CCT8: variants seen among roughly 807,000 people sequenced by gnomAD.
CCT8 encodes T-complex protein 1 subunit theta.
In CCT8, 10 loss-of-function variants were observed where a neutral mutation model predicts 65.7. That is an observed-to-expected ratio of 0.15 (90% CI 0.09 to 0.26). The LOEUF is 0.26. CCT8 is among the 10% of genes least tolerant of loss of function. The probability of loss-of-function intolerance (pLI) is 1.00; values close to 1 mark genes in which losing one functional copy is unlikely to be tolerated. For synonymous variants in CCT8, 199 were observed against 221.8 expected (o/e 0.90, Z 0.92); for missense variants, 568 against 669.1 (o/e 0.85, Z 1.67).
In CCT8 at chr21:29,067,039, T is replaced by C. The variant is rs1460042390; in HGVS notation, c.414A>G (p.Lys138=). The C allele has an allele frequency of 6.2e-7, 1 of 1,612,426 alleles. No individual in the cohort carries two copies. Among genetic ancestry groups the C allele is most frequent in the South Asian group, 1.1e-5 (1 of 90,924 alleles). The part of the protein sequence containing the change: ...VIEGYEIACR[K]AHEILPNLVC... ...CCAAATTAGGAAGAATCTCATGAGC[T>C]TTTCTGCAGGCTATTTCATAACCTT... The change falls in exon 5 of 15, where the codon AAA becomes AAG. Residue 138 remains lysine (K), a synonymous_variant. Coordinates refer to ENST00000286788, the MANE Select transcript of CCT8 (RefSeq NM_006585.4).
chr21:29,067,979 C>T (rs183413408), intron 3 of CCT8, among the ~76,000 whole-genome samples: 125 of 152,248 alleles, frequency 8.2e-4, no homozygotes, highest in Non-Finnish European at 1.4e-3. Context: ...ATATGTTTCA[C>T]CATATCATAT....
intron 8 of CCT8, 105 bp from the exon 9 acceptor site, chr21:29,062,661 C>T: frequency 1.2e-6 from 1 of 836,476 alleles, no homozygotes; most frequent in South Asian, 1.6e-5. Context: ...TGTCACATTC[C>T]TTTGACAATG....
intron 13 of CCT8, 30 bp downstream of exon 13, chr21:29,061,219 TAAAG>T: frequency 7.1e-6 from 11 of 1,545,486 alleles, no homozygotes; most frequent in Non-Finnish European, 8.9e-6. Context: ...ATTCCCCAAA[TAAAG>T]CAATTTAAGT....
chr21:29,073,192 T>G (rs1169969501), intron 1 of CCT8: 9 of 941,830 alleles, frequency 9.6e-6, no homozygotes, highest in African/African-American at 3.4e-5. Flanking sequence ...GTTATTCAAT[T>G]TCACCCTCAC....
At chr21:29,072,077 C>T in intron 1 of CCT8, 1 of 644,142 alleles carries the variant, frequency 1.6e-6, no homozygotes, top group Admixed American at 2.5e-5. Flanking sequence ...CTGAGCCTGG[C>T]ATTTCCCCCT....
At chr21:29,072,993 T>C (rs969848658) in intron 1 of CCT8, among the ~76,000 whole-genome samples, 1 of 152,232 alleles carries the variant, frequency 6.6e-6, no homozygotes, top group Non-Finnish European at 1.5e-5. Context: ...GGAACTCATT[T>C]GGCTACAACG....
chr21:29,062,322 A>G lies in CCT8; in HGVS notation c.1096+6T>C. The G allele has an allele frequency of 1.2e-6, 2 of 1,610,736 alleles. No individual in the cohort carries two copies. Among genetic ancestry groups the G allele is most frequent in the Non-Finnish European group, 8.5e-7 (1 of 1,176,928 alleles). The stretch of plus-strand genomic sequence containing the variant: ...CACTTAAACATGTTTTACCATTCCT[A>G]CATACCATGCTTAAAAACCACCACC... On this transcript the variant is annotated splice_donor_region_variant and intron_variant, in intron 10 of 14. Transcript: ENST00000286788.
At chr21:29,057,691 C>G (rs1346761067) in intron 14 of CCT8, among the ~76,000 whole-genome samples, 1 of 75,378 alleles carries the variant, frequency 1.3e-5, no homozygotes, top group African/African-American at 3.7e-5. Context: ...ATACATATAT[C>G]ATACATATAT....
Position 29,073,606 on chromosome 21 carries a change from A to G in CCT8, c.-16T>C. 1 of 1,613,756 alleles carries G rather than the reference A, an allele frequency of 6.2e-7. No individual in the cohort carries two copies. Among genetic ancestry groups the G allele is most frequent in the Non-Finnish European group, 8.5e-7 (1 of 1,179,818 alleles). On this transcript the variant is annotated 5_prime_UTR_variant, in exon 1 of 15. Coordinates refer to ENST00000286788, the MANE Select transcript of CCT8 (RefSeq NM_006585.4). ...GAAGCGCCATGGCCAGCCTGCAGGA[A>G]GCAGTTCACGCGACCGCTCGGAAGA... is the stretch of plus-strand genomic sequence containing the variant.
intron 1 of CCT8, among the ~76,000 whole-genome samples, chr21:29,072,810 AG>A (rs1601099141): frequency 6.6e-6 from 1 of 152,282 alleles, no homozygotes; most frequent in African/African-American, 2.4e-5. Flanking sequence ...CTAACGTTCA[AG>A]AAAAGGCCAT....
At chr21:29,071,349 C>T (rs1351405250) in intron 1 of CCT8, among the ~76,000 whole-genome samples, 1 of 152,102 alleles carries the variant, frequency 6.6e-6, no homozygotes, top group African/African-American at 2.4e-5. Context: ...ACAATACAAG[C>T]CATGATTTTG....
At chr21:29,067,965 AC>A (rs1568914707) in intron 3 of CCT8, among the ~76,000 whole-genome samples, 1 of 152,214 alleles carries the variant, frequency 6.6e-6, no homozygotes, top group Non-Finnish European at 1.5e-5. Context: ...ATACAGTGCC[AC>A]ACATATGTTT....
chr21:29,064,911 C>G, intron 7 of CCT8, 57 bp downstream of exon 7: 1 of 1,517,990 alleles, frequency 6.6e-7, no homozygotes, highest in Non-Finnish European at 9.1e-7. Flanking sequence ...AGAGCTAACT[C>G]AAACAATCTG....
At chr21:29,066,686 A>G in intron 6 of CCT8, 30 bp downstream of exon 6, 5 of 1,439,324 alleles carry the variant, frequency 3.5e-6, no homozygotes, top group Admixed American at 2.0e-5. Flanking sequence ...ACTGACCTAG[A>G]TATGTAGCAT....
chr21:29,073,453 G>A, intron 1 of CCT8, 78 bp downstream of exon 1: 2 of 1,607,562 alleles, frequency 1.2e-6, no homozygotes, highest in South Asian at 1.1e-5. Context: ...CAGCCCGTTA[G>A]TAGGCCCTCC....
chr21:29,068,707 C>T (rs55719221), intron 3 of CCT8, among the ~76,000 whole-genome samples: 30,311 of 152,084 alleles, frequency 0.2, 3,422 homozygotes, highest in Non-Finnish European at 0.25. Flanking sequence ...TTAGGTGATC[C>T]GCCTGCCTTG....
In CCT8 at chr21:29,062,387, T is replaced by C. The variant is rs1316337951; in HGVS notation, c.1037A>G (p.His346Arg). Residue 346 changes from histidine (H) to arginine (R), a missense_variant, in exon 10 of 15, where the codon CAC becomes CGC. Physicochemically the swap from His to Arg is conservative, Grantham distance 29 (BLOSUM62 0). Coordinates refer to ENST00000286788, the MANE Select transcript of CCT8 (RefSeq NM_006585.4). Reference protein sequence around the residue: ...LTPPVLEEMGHCDSVYLSEVG... With the variant: ...LTPPVLEEMGRCDSVYLSEVG... ...TTCTGAGAGGTAAACACTGTCACAG[T>C]GTCCCATTTCTTCAAGGACAGGAGG... 8.7e-6 allele frequency: 14 copies of C among 1,613,926 alleles called. No homozygotes were observed. Among genetic ancestry groups the C allele is most frequent in the Non-Finnish European group, 1.2e-5 (14 of 1,179,890 alleles).
intron 1 of CCT8, chr21:29,073,310 GC>G (rs1568917617): frequency 1.4e-6 from 2 of 1,401,386 alleles, no homozygotes; most frequent in Non-Finnish European, 1.9e-6. Flanking sequence ...CGATCGTGCC[GC>G]CGATCCCTCG....
chr21:29,063,227 G>A (rs2085583244), intron 8 of CCT8, 125 bp downstream of exon 8: 1 of 686,624 alleles, frequency 1.5e-6, no homozygotes, highest in Non-Finnish European at 2.4e-6. Context: ...AAATCCTTCT[G>A]CTATTTGACC....
Sources: gnomAD v4.1 joint callset for allele counts (sites outside exome capture counted in the v4.1 genomes callset) on GRCh38, gnomAD v4.1.1 for gene constraint, MANE v1.5 for transcripts, NCBI Gene and HGNC (gene_info 2026-07-23, HGNC 2026-07-21) for gene names.